The following SPOP variants were observed in gnomAD, a reference collection of about 807,000 sequenced individuals.
SPOP encodes speckle type BTB/POZ protein, also known as speckle-type POZ protein.
SPOP carries 11 observed loss-of-function variants against 45.6 expected under a neutral mutation model. The observed-to-expected ratio is 0.24, with a 90% CI of 0.15 to 0.40. The LOEUF (loss-of-function observed/expected upper bound fraction) is 0.40. Ranked by LOEUF, SPOP falls within the 10% of genes least tolerant of loss-of-function variation. SPOP has a pLI of 1.00. For missense variants in SPOP, 152 were observed against 465.6 expected (o/e 0.33, Z 6.20); for synonymous variants, 166 against 166.3 (o/e 1.00, Z 0.01).
At chr17:49,613,740 G>A (rs539125678) in intron 5 of SPOP, among the ~76,000 whole-genome samples, 8 of 152,148 alleles carry the variant, frequency 5.3e-5, no homozygotes, top group Non-Finnish European at 1.0e-4. Flanking sequence ...CATTAAATAC[G>A]CTTAATTAAA....
At chr17:49,606,493 TTC>T (rs1162725136) in intron 8 of SPOP, among the ~76,000 whole-genome samples, 3 of 119,016 alleles carry the variant, frequency 2.5e-5, no homozygotes, top group Admixed American at 2.2e-4. Context: ...TGTTTCTTTT[TTC>T]TTTTTTTTTT....
chr17:49,660,124 A>G (rs917658875), intron 1 of SPOP, among the ~76,000 whole-genome samples: 9 of 152,240 alleles, frequency 5.9e-5, no homozygotes, highest in African/African-American at 2.2e-4. Flanking sequence ...ACAAACAGCT[A>G]AGAGTGAGAA....
At chr17:49,630,623 A>T (rs1169360989) in intron 1 of SPOP, among the ~76,000 whole-genome samples, 2 of 151,208 alleles carry the variant, frequency 1.3e-5, no homozygotes, top group East Asian at 1.9e-4. Context: ...ATTTTTTTTA[A>T]AAAAAATTTG....
At chr17:49,625,977 C>G (rs943161187) in intron 1 of SPOP, among the ~76,000 whole-genome samples, 7 of 152,240 alleles carry the variant, frequency 4.6e-5, no homozygotes, top group South Asian at 2.1e-4. Context: ...GTATAAACTA[C>G]TTTTTGTAGT....
chr17:49,657,419 G>A (rs2072927605), intron 1 of SPOP, among the ~76,000 whole-genome samples: 1 of 151,990 alleles, frequency 6.6e-6, no homozygotes, highest in South Asian at 2.1e-4. Context: ...TCTTTCTTGA[G>A]ATGTAGTCTT....
At position 49,600,252 on chromosome 17, in the gene SPOP, A is replaced by G. The variant is rs946005147; in HGVS notation, c.*126T>C. On this transcript the variant is annotated 3_prime_UTR_variant, in exon 10 of 10. Transcript: ENST00000504102. The surrounding 1 kb of genome is among the most constrained non-coding windows in gnomAD (Gnocchi z 4.2). ...GCTGTTTTAAAAGTCTGGGGCCACA[A>G]TGCAGTCTCTTCCCCTCACAACAGA... 6.1e-5 allele frequency: 78 copies of G among 1,275,158 alleles called. No homozygotes were observed. Among genetic ancestry groups the G allele is most frequent in the East Asian group, 1.2e-4 (5 of 43,012 alleles). 79.0% of individuals were successfully genotyped at this position (1,275,158 alleles called of 1,614,324 possible).
chr17:49,610,465 C>T (rs572108009), intron 6 of SPOP, among the ~76,000 whole-genome samples: 3 of 152,266 alleles, frequency 2.0e-5, no homozygotes, highest in Admixed American at 1.3e-4. Flanking sequence ...GTGATCCACC[C>T]GCCTCAGCCT....
intron 1 of SPOP, among the ~76,000 whole-genome samples, chr17:49,648,342 C>A (rs1486547836): frequency 6.6e-6 from 1 of 152,198 alleles, no homozygotes; most frequent in Non-Finnish European, 1.5e-5. Context: ...CCCATTATAC[C>A]AAATTCATCA....
chr17:49,624,881 A>G (rs181959414), intron 1 of SPOP, among the ~76,000 whole-genome samples: 2 of 151,858 alleles, frequency 1.3e-5, no homozygotes, highest in African/African-American at 4.8e-5. Context: ...TGACAAAGGG[A>G]CTTAATAAAA....
intron 1 of SPOP, among the ~76,000 whole-genome samples, chr17:49,666,442 A>C (rs1470444493): frequency 1.7e-5 from 2 of 118,928 alleles, no homozygotes; most frequent in Non-Finnish European, 3.4e-5. Context: ...TTCCTTCATG[A>C]AGACAGACAC....
At chr17:49,616,018 C>A (rs1227102904) in intron 5 of SPOP, among the ~76,000 whole-genome samples, 1 of 152,156 alleles carries the variant, frequency 6.6e-6, no homozygotes, top group Non-Finnish European at 1.5e-5. Context: ...CTTGGAAGAA[C>A]TGCCACATTT....
intron 1 of SPOP, among the ~76,000 whole-genome samples, chr17:49,639,328 A>G (rs2072603478): frequency 6.6e-6 from 1 of 152,186 alleles, no homozygotes; most frequent in African/African-American, 2.4e-5. Flanking sequence ...GTAGGAGAAC[A>G]AACTGGTACC....
At chr17:49,677,294 G>GA (rs2073211712) in intron 1 of SPOP, among the ~76,000 whole-genome samples, 1 of 152,192 alleles carries the variant, frequency 6.6e-6, no homozygotes, top group Non-Finnish European at 1.5e-5. Context: ...AGTAATCCTA[G>GA]AACTAGAAGA....
chr17:49,627,443 A>G (rs567602137), intron 1 of SPOP, among the ~76,000 whole-genome samples: 1 of 152,340 alleles, frequency 6.6e-6, no homozygotes, highest in East Asian at 1.9e-4. Flanking sequence ...GGCCAGAATG[A>G]AATTTCAAAA....
intron 6 of SPOP, among the ~76,000 whole-genome samples, chr17:49,609,841 T>C (rs564994236): frequency 6.6e-6 from 1 of 151,136 alleles, no homozygotes; most frequent in African/African-American, 2.4e-5. Flanking sequence ...AACAGAGAGA[T>C]AGTGAAGATA....
At chr17:49,656,576 C>T (rs1022924363) in intron 1 of SPOP, among the ~76,000 whole-genome samples, 6 of 148,574 alleles carry the variant, frequency 4.0e-5, no homozygotes, top group African/African-American at 1.5e-4. Context: ...TTCATACCAC[C>T]CCGAAAGCCA....
intron 1 of SPOP, among the ~76,000 whole-genome samples, chr17:49,658,535 T>C (rs942641438): frequency 6.6e-6 from 1 of 152,206 alleles, no homozygotes; most frequent in Non-Finnish European, 1.5e-5. Flanking sequence ...TGCAAGGAAC[T>C]TCCCTGCTGT....
rs1267873374 is a variant in SPOP at position 49,600,862 on chromosome 17, G to C, written c.981-340C>G. On this transcript the variant is annotated intron_variant, in intron 9 of 9. Transcript: ENST00000504102. This position sits in a 1 kb window ranked among gnomAD's most constrained non-coding sequence, Gnocchi z 4.2. ...ATGGGCTCCCTCGGCCAGAAGCCCT[G>C]AGCTTCTGCCTGGCTTTGCCACTCA... is the stretch of plus-strand genomic sequence containing the variant. 8.3e-6 allele frequency: 2 copies of C among 239,602 alleles called. No individual in the cohort carries two copies. Among genetic ancestry groups the C allele is most frequent in the East Asian group, 1.8e-4 (2 of 11,210 alleles). 14.8% of individuals were successfully genotyped at this position (239,602 alleles called of 1,614,324 possible).
At chr17:49,674,650 A>G (rs2073177648) in intron 1 of SPOP, among the ~76,000 whole-genome samples, 1 of 152,206 alleles carries the variant, frequency 6.6e-6, no homozygotes, top group Admixed American at 6.5e-5. Context: ...TCAATTTCTC[A>G]CCAGAATAAC....
Sources: allele counts gnomAD v4.1 joint callset (sites outside exome capture counted in the v4.1 genomes callset), GRCh38; gene constraint gnomAD v4.1.1; non-coding constraint Gnocchi (gnomAD v3.1); transcripts MANE v1.5; gene names NCBI Gene and HGNC (gene_info 2026-07-23, HGNC 2026-07-21).